CORIN: variants seen among roughly 807,000 people sequenced by gnomAD.
CORIN encodes corin, serine peptidase.
In CORIN, 117 loss-of-function variants were observed where a neutral mutation model predicts 125.3. The observed-to-expected ratio is 0.93, with a 90% confidence interval of 0.80 to 1.09. The LOEUF is 1.09. Among genes scored for constraint, CORIN ranks in the 50% least tolerant of loss-of-function variants. The pLI is 0.00. For synonymous variants in CORIN, 450 were observed against 466.4 expected, an observed-to-expected ratio of 0.96 and a Z score of 0.45; for missense variants, 1,253 against 1,306.7, an observed-to-expected ratio of 0.96 and a Z score of 0.63.
At chr4:47,734,679 G>A (rs532933817) in intron 5 of CORIN, among the ~76,000 whole-genome samples, 1 of 152,174 alleles carries the variant, frequency 6.6e-6, no homozygotes, top group African/African-American at 2.4e-5. Flanking sequence ...AAAGTACTTT[G>A]CAAAACATAT....
Position 47,603,401 on chromosome 4 carries a change from A to G in CORIN, c.2808T>C (p.Asn936=), listed in dbSNP as rs780159119. ...TGGACTAATACACTGGCTTACTTTTATTGCCCATGTGGCCCCAGCCTGTGA... is the reference window on the plus strand; with the variant it reads ...TGGACTAATACACTGGCTTACTTTTGTTGCCCATGTGGCCCCAGCCTGTGA... The part of the protein sequence containing the change: ...CYITGWGHMG[N]KMPFKLQEGE... Residue 936 remains asparagine (N), a synonymous_variant, in exon 20 of 22, where the codon AAT becomes AAC. Coordinates refer to ENST00000273857, the MANE Select transcript of CORIN (RefSeq NM_006587.4). The G allele has an allele frequency of 2.5e-6, 4 of 1,613,682 alleles. No individual in the cohort carries two copies. The highest frequency in any genetic ancestry group is 2.2e-5 in the East Asian group (1 of 44,872).
intron 19 of CORIN, among the ~76,000 whole-genome samples, chr4:47,615,106 A>G (rs1319240407): frequency 6.6e-6 from 1 of 152,180 alleles, no homozygotes; most frequent in Non-Finnish European, 1.5e-5. Context: ...AGCAAATACA[A>G]AAGTCCTGAG....
intron 3 of CORIN, among the ~76,000 whole-genome samples, chr4:47,766,952 A>C (rs1175679430): frequency 6.6e-6 from 1 of 151,732 alleles, no homozygotes; most frequent in Non-Finnish European, 1.5e-5. Context: ...GTCTCAAAAA[A>C]AAAAAAAAAA....
In CORIN at chr4:47,603,522, A is replaced by G. The variant is rs1335068522; in HGVS notation, c.2687T>C (p.Val896Ala). ...RAVVDYDISI[V>A]ELSEDISETG... ...CTCACTGATGTCTTCACTCAGCTCA[A>G]CGATGCTGATGTCATAGTCCACCAC... Residue 896 changes from valine (V) to alanine (A), a missense_variant, in exon 20 of 22, where the codon GTT (valine) becomes GCT (alanine). Transcript: ENST00000273857. 3 of 1,614,142 alleles carry G rather than the reference A, an allele frequency of 1.9e-6. No homozygotes were observed. Among genetic ancestry groups the G allele is most frequent in the East Asian group, 2.2e-5 (1 of 44,872 alleles).
chr4:47,636,066 T>G (rs1257002260), intron 16 of CORIN, among the ~76,000 whole-genome samples: 1 of 152,208 alleles, frequency 6.6e-6, no homozygotes, highest in Non-Finnish European at 1.5e-5. Context: ...CCAGGGATTA[T>G]TAGGGACTAG....
chr4:47,787,538 CA>C (rs1730876137), intron 2 of CORIN, among the ~76,000 whole-genome samples: 1 of 149,232 alleles, frequency 6.7e-6, no homozygotes, highest in Non-Finnish European at 1.5e-5. Context: ...CTCTAAAGCA[CA>C]AACTAAAAGA....
chr4:47,786,622 T>G (rs1730827044), intron 3 of CORIN, 103 bp downstream of exon 3: 1 of 819,216 alleles, frequency 1.2e-6, no homozygotes, highest in African/African-American at 1.7e-5. Context: ...GATTTTCCTG[T>G]GTGACCGGCA....
intron 20 of CORIN, among the ~76,000 whole-genome samples, chr4:47,602,607 G>C (rs570832267): frequency 1.2e-4 from 19 of 152,194 alleles, no homozygotes; most frequent in African/African-American, 4.6e-4. Context: ...CAGATAGAGA[G>C]AGTCCAAAGC....
At chr4:47,793,820 T>C (rs1731177730) in intron 2 of CORIN, among the ~76,000 whole-genome samples, 1 of 152,156 alleles carries the variant, frequency 6.6e-6, no homozygotes, top group Non-Finnish European at 1.5e-5. Flanking sequence ...AGGAATCATC[T>C]GGGGTGGTTC....
intron 5 of CORIN, among the ~76,000 whole-genome samples, chr4:47,696,977 T>A (rs541982915): frequency 2.0e-5 from 3 of 152,236 alleles, no homozygotes; most frequent in South Asian, 4.1e-4. Flanking sequence ...TTGCTGAAAG[T>A]CAAAAGCTCA....
chr4:47,810,542 A>G (rs1732020182), intron 1 of CORIN, among the ~76,000 whole-genome samples: 1 of 152,202 alleles, frequency 6.6e-6, no homozygotes, highest in African/African-American at 2.4e-5. Flanking sequence ...GTTTTATATA[A>G]TGTACACTGG....
In CORIN at chr4:47,813,149, A is replaced by G. The variant is rs554781171; in HGVS notation, c.64-6102T>C. Among the ~76,000 whole-genome samples the G allele has an allele frequency of 9.1e-4, 138 of 152,294 alleles. 1 individual carries two copies. The highest frequency in any genetic ancestry group is 3.4e-3 in the Middle Eastern group (1 of 294). Reference sequence around the variant, plus strand: ...TTTGTGGAGACAGGACAATATCAAAAGGAATATAGCACAATCTAATGTTGA... The same window carrying G: ...TTTGTGGAGACAGGACAATATCAAAGGGAATATAGCACAATCTAATGTTGA... On this transcript the variant is annotated intron_variant, in intron 1 of 21. Transcript: ENST00000273857.
chr4:47,823,563 C>A (rs1732613707), intron 1 of CORIN, among the ~76,000 whole-genome samples: 1 of 152,168 alleles, frequency 6.6e-6, no homozygotes, highest in Non-Finnish European at 1.5e-5. Context: ...TACACATAGG[C>A]CTCTGTATTT....
At chr4:47,776,181 A>C (rs1730290498) in intron 3 of CORIN, among the ~76,000 whole-genome samples, 1 of 151,644 alleles carries the variant, frequency 6.6e-6, no homozygotes, top group African/African-American at 2.4e-5. Context: ...CACCATGCCC[A>C]GCTATTTGTA....
intron 10 of CORIN, among the ~76,000 whole-genome samples, chr4:47,673,672 C>T (rs978114144): frequency 1.3e-5 from 2 of 152,132 alleles, no homozygotes; most frequent in African/African-American, 4.8e-5. Flanking sequence ...CTGCTTACAC[C>T]GTTTGGAGCT....
At chr4:47,788,159 A>G (rs1730905776) in intron 2 of CORIN, among the ~76,000 whole-genome samples, 1 of 152,224 alleles carries the variant, frequency 6.6e-6, no homozygotes, top group African/African-American at 2.4e-5. Flanking sequence ...AGAAAGAGCC[A>G]AGGGAGATTT....
intron 19 of CORIN, among the ~76,000 whole-genome samples, chr4:47,615,583 G>T (rs1349806498): frequency 6.6e-6 from 1 of 152,164 alleles, no homozygotes; most frequent in Non-Finnish European, 1.5e-5. Flanking sequence ...TATAATGCCG[G>T]CAGGCACACA....
intron 5 of CORIN, among the ~76,000 whole-genome samples, chr4:47,740,611 T>G (rs1728344356): frequency 6.6e-6 from 1 of 151,946 alleles, no homozygotes; most frequent in South Asian, 2.1e-4. Flanking sequence ...ATAGCTGAAT[T>G]TTTTTCAGAA....
chr4:47,726,390 A>C (rs767567068), intron 5 of CORIN, among the ~76,000 whole-genome samples: 10 of 152,118 alleles, frequency 6.6e-5, no homozygotes, highest in Non-Finnish European at 1.0e-4. Flanking sequence ...CCACTGATAC[A>C]TGTAACAACA....
Sources: gnomAD v4.1 joint callset for allele counts (sites outside exome capture counted in the v4.1 genomes callset) on GRCh38, gnomAD v4.1.1 for gene constraint, MANE v1.5 for transcripts, NCBI Gene and HGNC (gene_info 2026-07-23, HGNC 2026-07-21) for gene names.